Variants in RAB6B observed in about 807,000 individuals in gnomAD.
RAB6B encodes the protein ras-related protein Rab-6B.
Under a neutral mutation model 31.2 loss-of-function variants are expected in RAB6B, and 7 were observed. That is an observed-to-expected ratio of 0.22 (90% CI 0.13 to 0.42). The LOEUF is 0.42. RAB6B is among the 10% of genes least tolerant of loss of function. The pLI is 1.00. For synonymous variants in RAB6B, 105 were observed against 104.9 expected, an observed-to-expected ratio of 1.00 and a Z score of -0.01; for missense variants, 149 against 280.6, an observed-to-expected ratio of 0.53 and a Z score of 3.35.
intron 6 of RAB6B, among the ~76,000 whole-genome samples, chr3:133,836,786 G>A (rs145342882): frequency 6.6e-6 from 1 of 152,308 alleles, no homozygotes; most frequent in East Asian, 1.9e-4. Flanking sequence ...GGAACAGATG[G>A]GAGTGAGTGA....
At chr3:133,842,132 T>C (rs1317347949) in intron 2 of RAB6B, among the ~76,000 whole-genome samples, 1 of 152,246 alleles carries the variant, frequency 6.6e-6, no homozygotes, top group East Asian at 1.9e-4. Context: ...AGCAGGCAGC[T>C]TGCTGCTGTG....
chr3:133,828,178 C>T lies in RAB6B; in HGVS notation c.*610G>A. ...TCTCAGCTCCACACGAGGTTGACGA[C>T]CCACTCTGGCCATGGAAAGACAAGA... On this transcript the variant is annotated 3_prime_UTR_variant, in exon 8 of 8. Coordinates refer to ENST00000285208, the MANE Select transcript of RAB6B (RefSeq NM_016577.4). 1.7e-6 allele frequency: 1 copy of T among 587,960 alleles called. No individual in the cohort carries two copies. The highest frequency in any genetic ancestry group is 4.5e-4 in the Middle Eastern group (1 of 2,226). The allele number at this position is 587,960 out of a possible 1,614,324, so 36.4% of individuals were successfully genotyped here.
intron 2 of RAB6B, among the ~76,000 whole-genome samples, chr3:133,857,010 G>T (rs1699942401): frequency 6.6e-6 from 1 of 152,120 alleles, no homozygotes; most frequent in South Asian, 2.1e-4. Context: ...TCTGCCCGAA[G>T]TCTATGGGGT....
intron 1 of RAB6B, among the ~76,000 whole-genome samples, chr3:133,874,252 G>A (rs570229558): frequency 2.6e-5 from 4 of 152,344 alleles, no homozygotes; most frequent in African/African-American, 9.6e-5. Context: ...TAAGTTCTGA[G>A]CAACGCATCA....
Position 133,895,448 on chromosome 3 carries a change from A to G in RAB6B, c.19T>C (p.Phe7Leu). 6.2e-7 allele frequency: 1 copy of G among 1,610,640 alleles called. No individual in the cohort carries two copies. Among genetic ancestry groups the G allele is most frequent in the East Asian group, 2.2e-5 (1 of 44,616 alleles). The change falls in exon 1 of 8, where the codon TTT becomes CTT. Residue 7 changes from phenylalanine (F) to leucine (L), a missense_variant. Phe to Leu is a conservative substitution (Grantham distance 22). Transcript: ENST00000285208. Reference protein sequence around the residue: MSAGGDFGNPLRKFKLV... With the variant: MSAGGDLGNPLRKFKLV... ...TTGAATTTTCTCAGTGGATTCCCAAAATCTCCCCCTGCGGACATGGTGCTG... is the reference window on the plus strand; with the variant it reads ...TTGAATTTTCTCAGTGGATTCCCAAGATCTCCCCCTGCGGACATGGTGCTG...
chr3:133,834,843 C>T (rs978644358), intron 6 of RAB6B, among the ~76,000 whole-genome samples: 46 of 152,156 alleles, frequency 3.0e-4, no homozygotes, highest in African/African-American at 1.1e-3. Context: ...CTGGGCAGGC[C>T]TCAGTAGCTT....
rs148873473 is a variant in RAB6B at position 133,837,620 on chromosome 3, C to T, written c.495+546G>A. On this transcript the variant is annotated intron_variant, in intron 6 of 7. Coordinates refer to ENST00000285208, the MANE Select transcript of RAB6B (RefSeq NM_016577.4). ...CCCTGTCTGCTGACCTGCTAAATTC[C>T]ACCCATGGACTACTCAGGGGCCCTC... Among the ~76,000 whole-genome samples the T allele has an allele frequency of 2.1e-3, 318 of 152,314 alleles. 1 individual carries two copies. The highest frequency in any genetic ancestry group is 0.015 in the East Asian group (78 of 5,182).
At chr3:133,832,262 G>A (rs768197383) in intron 7 of RAB6B, among the ~76,000 whole-genome samples, 18 of 152,164 alleles carry the variant, frequency 1.2e-4, no homozygotes, top group Non-Finnish European at 2.1e-4. Context: ...CTACCATTTG[G>A]TGGCCCCTTG....
Position 133,827,664 on chromosome 3 carries a change from C to G in RAB6B, c.*1124G>C, listed in dbSNP as rs1289084272. 1 of 555,460 alleles carries G rather than the reference C, an allele frequency of 1.8e-6. No individual in the cohort carries two copies. Among genetic ancestry groups the G allele is most frequent in the Non-Finnish European group, 3.2e-6 (1 of 312,826 alleles). The allele number at this position is 555,460 out of a possible 1,614,324, so 34.4% of individuals were successfully genotyped here. On this transcript the variant is annotated 3_prime_UTR_variant, in exon 8 of 8. Coordinates refer to ENST00000285208, the MANE Select transcript of RAB6B (RefSeq NM_016577.4). ...GGGTGAAAACATAGCAACAAATCAG[C>G]TTTTCCAGAAAGCACTCAACAATAT...
chr3:133,872,837 G>T (rs1394609810), intron 1 of RAB6B, among the ~76,000 whole-genome samples: 2 of 152,232 alleles, frequency 1.3e-5, no homozygotes, highest in African/African-American at 4.8e-5. Flanking sequence ...AATTCCCTCT[G>T]CTAGAGGACG....
At chr3:133,884,409 G>T (rs775630300) in intron 1 of RAB6B, among the ~76,000 whole-genome samples, 4 of 152,242 alleles carry the variant, frequency 2.6e-5, no homozygotes, top group Non-Finnish European at 4.4e-5. Flanking sequence ...TTGGCTTTCA[G>T]CCTTAGCTTT....
At chr3:133,878,135 G>C (rs2108011043) in intron 1 of RAB6B, among the ~76,000 whole-genome samples, 1 of 152,156 alleles carries the variant, frequency 6.6e-6, no homozygotes, top group East Asian at 1.9e-4. Flanking sequence ...AAAAATATTT[G>C]AAGAAATGAC....
At chr3:133,889,057 T>G (rs75659374) in intron 1 of RAB6B, among the ~76,000 whole-genome samples, 1 of 152,148 alleles carries the variant, frequency 6.6e-6, no homozygotes, top group Non-Finnish European at 1.5e-5. Flanking sequence ...GCTTTCCCGG[T>G]AGTCCACCCT....
intron 2 of RAB6B, among the ~76,000 whole-genome samples, chr3:133,860,619 C>T (rs956622270): frequency 6.6e-6 from 1 of 152,244 alleles, no homozygotes; most frequent in African/African-American, 2.4e-5. Context: ...AAGGCCAGAG[C>T]ATCTCAGGCA....
chr3:133,864,448 G>A, intron 2 of RAB6B, 136 bp downstream of exon 2: 2 of 830,000 alleles, frequency 2.4e-6, no homozygotes, highest in Non-Finnish European at 4.2e-6. Context: ...GGCCAGTATA[G>A]AGGTGGGAAG....
chr3:133,860,140 GGA>G (rs1936138909), intron 2 of RAB6B, among the ~76,000 whole-genome samples: 2 of 152,206 alleles, frequency 1.3e-5, no homozygotes, highest in African/African-American at 4.8e-5. Context: ...CTAGGATTTT[GGA>G]GAGAGTTGAA....
At chr3:133,834,428 C>T (rs6793673) in intron 7 of RAB6B, 147 bp downstream of exon 7, 108,113 of 816,372 alleles carry the variant, frequency 0.13, 7,804 homozygotes, top group African/African-American at 0.17. Context: ...CAGCTGCATC[C>T]CGCCTAGAGG....
intron 1 of RAB6B, among the ~76,000 whole-genome samples, chr3:133,892,131 G>A (rs1219042353): frequency 6.6e-6 from 1 of 152,080 alleles, no homozygotes; most frequent in East Asian, 1.9e-4. Flanking sequence ...TGTCTTCTCG[G>A]ACGCCATCAA....
intron 2 of RAB6B, among the ~76,000 whole-genome samples, chr3:133,862,767 G>T (rs1936182406): frequency 6.6e-6 from 1 of 152,154 alleles, no homozygotes; most frequent in Non-Finnish European, 1.5e-5. Context: ...ATGAGGCTTT[G>T]ATCCATACTA....
Sources: gnomAD v4.1 joint callset for allele counts (sites outside exome capture counted in the v4.1 genomes callset) on GRCh38, gnomAD v4.1.1 for gene constraint, MANE v1.5 for transcripts, NCBI Gene and HGNC (gene_info 2026-07-23, HGNC 2026-07-21) for gene names.